Variants in LARP4 observed in about 807,000 individuals in gnomAD.
LARP4 encodes la-related protein 4.
A neutral mutation model predicts 92.9 loss-of-function variants in LARP4; 29 were observed. The ratio of observed to expected loss-of-function variants is 0.31; its 90% CI spans 0.23 to 0.43. The LOEUF (loss-of-function observed/expected upper bound fraction) is 0.43, where lower values mean the gene tolerates loss of function less well. Among genes scored for constraint, LARP4 ranks in the 20% least tolerant of loss-of-function variants. The pLI is 1.00. For missense variants in LARP4, 732 were observed against 860.0 expected, an observed-to-expected ratio of 0.85 and a Z score of 1.86; for synonymous variants, 279 against 284.1, an observed-to-expected ratio of 0.98 and a Z score of 0.18.
At chr12:50,468,901 G>T (rs545485673) in intron 13 of LARP4, among the ~76,000 whole-genome samples, 103 of 151,772 alleles carry the variant, frequency 6.8e-4, no homozygotes, top group African/African-American at 2.4e-3. Context: ...TACTATGATT[G>T]TTTCTCCTTT....
Position 50,477,732 on chromosome 12 carries a change from C to G in LARP4, c.*1868C>G, listed in dbSNP as rs187005862. ...TATATTTACTCAGTTTGAAACTATT[C>G]ATTTCTACACACTATTTTTAAAAAT... On this transcript the variant is annotated 3_prime_UTR_variant, in exon 16 of 16. Transcript: ENST00000398473. 6.0e-4 allele frequency: 92 copies of G among 152,510 alleles called. No homozygotes were observed. Among genetic ancestry groups the G allele is most frequent in the African/African-American group, 2.2e-3 (90 of 41,532 alleles). 9.4% of individuals were successfully genotyped at this position (152,510 alleles called of 1,614,324 possible). A position where few individuals can be genotyped will look rare whatever the true frequency, so the allele number is the denominator to read the frequency against.
chr12:50,474,114 A>C lies in LARP4; in HGVS notation c.1783A>C (p.Thr595Pro). 1 of 1,613,638 alleles carries C rather than the reference A, an allele frequency of 6.2e-7. No homozygotes were observed. ...PSTTKPSRAS[T>P]ASPCNNNINA... is the part of the protein sequence containing the mutation. ...TACTACAAAGCCATCGAGGGCAAGT[A>C]CTGCTTCACCATGTAATAATAACAT... Residue 595 changes from threonine (T) to proline (P), a missense_variant, in exon 15 of 16, where the codon ACT (threonine) becomes CCT (proline). Transcript: ENST00000398473.
intron 8 of LARP4, among the ~76,000 whole-genome samples, chr12:50,453,239 C>CG (rs531585919): frequency 1.7e-3 from 262 of 150,594 alleles, no homozygotes; most frequent in South Asian, 0.011. Flanking sequence ...TTGTGTGTGG[C>CG]GGGGGGGGTT....
At chr12:50,406,235 C>T (rs557439316) in intron 1 of LARP4, among the ~76,000 whole-genome samples, 6 of 152,076 alleles carry the variant, frequency 3.9e-5, no homozygotes, top group African/African-American at 9.6e-5. Context: ...TTTGGGAGGC[C>T]GAGGTGGGAG....
rs1273734374 is a variant in LARP4, at chr12:50,440,536, C to T, written c.737C>T (p.Thr246Ile). The T allele has an allele frequency of 6.2e-7, 1 of 1,608,680 alleles. No homozygotes were observed. Among genetic ancestry groups the T allele is most frequent in the East Asian group, 2.2e-5 (1 of 44,816 alleles). Reference protein sequence around the residue: ...SNWYITFQSDTDAQQAFKYLR... With the variant: ...SNWYITFQSDIDAQQAFKYLR... The stretch of plus-strand genomic sequence containing the variant: ...TGGTATATCACTTTCCAGTCAGACA[C>T]AGATGCACAACAGGTAAGAAGAAAA... Residue 246 changes from threonine to isoleucine, a missense_variant, in exon 7 of 16, where the codon ACA becomes ATA. Coordinates refer to ENST00000398473, the MANE Select transcript of LARP4 (RefSeq NM_052879.5).
intron 1 of LARP4, among the ~76,000 whole-genome samples, chr12:50,424,229 G>T (rs1948359893): frequency 6.6e-6 from 1 of 152,120 alleles, no homozygotes; most frequent in African/African-American, 2.4e-5. Context: ...AATTAGTGGA[G>T]CATGGTGTTC....
At chr12:50,434,122 A>G (rs1471396887) in intron 4 of LARP4, among the ~76,000 whole-genome samples, 2 of 152,336 alleles carry the variant, frequency 1.3e-5, no homozygotes, top group Non-Finnish European at 2.9e-5. Context: ...CTATGGGAAA[A>G]AAATTAAATG....
chr12:50,443,201 G>A (rs1382345911), intron 8 of LARP4, among the ~76,000 whole-genome samples: 1 of 152,144 alleles, frequency 6.6e-6, no homozygotes, highest in Non-Finnish European at 1.5e-5. Context: ...GCAGCTATGA[G>A]ATTTGTTTCA....
At chr12:50,421,401 T>C in intron 1 of LARP4, 1 of 411,648 alleles carries the variant, frequency 2.4e-6, no homozygotes, top group Non-Finnish European at 3.3e-6. Context: ...CCCAGCACTT[T>C]GGGAGGCCGA....
chr12:50,403,659 A>G (rs1944283150), intron 1 of LARP4, among the ~76,000 whole-genome samples: 1 of 152,182 alleles, frequency 6.6e-6, no homozygotes, highest in African/African-American at 2.4e-5. Context: ...TTGCTTGTGG[A>G]TCATCTTTGG....
chr12:50,413,471 T>A (rs1946259573), intron 1 of LARP4, among the ~76,000 whole-genome samples: 1 of 152,184 alleles, frequency 6.6e-6, no homozygotes, highest in Non-Finnish European at 1.5e-5. Flanking sequence ...TTTTTCTCCA[T>A]TTTTCAAAAC....
chr12:50,407,722 A>G (rs1294086292), intron 1 of LARP4, among the ~76,000 whole-genome samples: 1 of 152,096 alleles, frequency 6.6e-6, no homozygotes, highest in Admixed American at 6.6e-5. Flanking sequence ...CTGTAGTCCT[A>G]GCTACTTGGG....
chr12:50,472,869 G>C (rs1043188191), intron 13 of LARP4, among the ~76,000 whole-genome samples: 12 of 151,424 alleles, frequency 7.9e-5, no homozygotes, highest in African/African-American at 2.2e-4. Context: ...GCCCAGGCTG[G>C]AGTGCAGTGG....
At chr12:50,409,831 T>C (rs1411235699) in intron 1 of LARP4, among the ~76,000 whole-genome samples, 1 of 151,504 alleles carries the variant, frequency 6.6e-6, no homozygotes, top group Non-Finnish European at 1.5e-5. Flanking sequence ...GGCGTTTCGC[T>C]CTTATTGCCC....
intron 13 of LARP4, among the ~76,000 whole-genome samples, chr12:50,470,220 C>CAAAA (rs71083576): frequency 6.8e-6 from 1 of 147,646 alleles, no homozygotes; most frequent in Non-Finnish European, 1.5e-5. Context: ...CAACCTGTCT[C>CAAAA]AAAAAAAAAA....
At chr12:50,410,232 T>G (rs1945616574) in intron 1 of LARP4, among the ~76,000 whole-genome samples, 1 of 152,104 alleles carries the variant, frequency 6.6e-6, no homozygotes, top group South Asian at 2.1e-4. Context: ...GATTAAATAC[T>G]AAATGTTAGA....
intron 8 of LARP4, among the ~76,000 whole-genome samples, chr12:50,453,044 GGAC>G (rs1392881264): frequency 6.6e-6 from 1 of 151,486 alleles, no homozygotes; most frequent in African/African-American, 2.4e-5. Context: ...CAAGCAGCTA[GGAC>G]TACAGGTTGC....
At chr12:50,428,758 C>T (rs753503268) in intron 2 of LARP4, among the ~76,000 whole-genome samples, 177 bp from the exon 3 acceptor site, 4 of 152,146 alleles carry the variant, frequency 2.6e-5, no homozygotes, top group Non-Finnish European at 5.9e-5. Flanking sequence ...TTTAGTTTAT[C>T]TGTAATTGTC....
chr12:50,406,085 C>G (rs1944777731), intron 1 of LARP4, among the ~76,000 whole-genome samples: 1 of 151,976 alleles, frequency 6.6e-6, no homozygotes, highest in African/African-American at 2.4e-5. Flanking sequence ...ATATGGAATT[C>G]ATGGATATGG....
Sources: gnomAD v4.1 joint callset for allele counts (sites outside exome capture counted in the v4.1 genomes callset) on GRCh38, gnomAD v4.1.1 for gene constraint, MANE v1.5 for transcripts, NCBI Gene and HGNC (gene_info 2026-07-23, HGNC 2026-07-21) for gene names.